ZNF519: variants seen among roughly 807,000 people sequenced by gnomAD.
ZNF519 encodes the protein similar to Zinc finger protein 85 (Zinc finger protein HPF4) (HTF1).
In ZNF519, 7 loss-of-function variants were observed where a neutral mutation model predicts 7.4. That is an observed-to-expected ratio of 0.94 (90% confidence interval 0.54 to 1.77). The LOEUF is 1.77. Ranked by LOEUF, ZNF519 falls within the 40% of genes most tolerant of loss-of-function variation. The pLI, the probability that ZNF519 is intolerant of heterozygous loss-of-function variation, is 0.00. For missense variants in ZNF519, 586 were observed against 623.1 expected, an observed-to-expected ratio of 0.94 and a Z score of 0.63; for synonymous variants, 179 against 203.3, an observed-to-expected ratio of 0.88 and a Z score of 1.02.
chr18:14,099,560 T>C (rs1399282266), downstream of ZNF519, among the ~76,000 whole-genome samples: 1 of 152,226 alleles, frequency 6.6e-6, no homozygotes, highest in Non-Finnish European at 1.5e-5. Context: ...ATAAGTGCTC[T>C]TCCTGTCTAA....
chr18:14,086,776 G>A (rs1370631741), intron 2 of ZNF519, among the ~76,000 whole-genome samples: 2 of 152,122 alleles, frequency 1.3e-5, no homozygotes, highest in African/African-American at 2.4e-5. Context: ...GGCTTAGAGC[G>A]CCCTCTAATG....
chr18:14,097,945 G>A (rs2143109560), downstream of ZNF519, among the ~76,000 whole-genome samples: 1 of 151,958 alleles, frequency 6.6e-6, no homozygotes, highest in South Asian at 2.1e-4. Flanking sequence ...ATGAGTTTGT[G>A]GTCAACATCC....
Position 14,105,150 on chromosome 18 carries a change from C to G in ZNF519, c.1390G>C (p.Glu464Gln), listed in dbSNP as rs764152060. ...HTGEKSFKCE[E>Q]CGKAFIWGSH... ...CCCCAGATAAAAGCTTTGCCACATTCTTCACATTTGAAAGACTTCTCTCCA... is the reference window on the plus strand; with the variant it reads ...CCCCAGATAAAAGCTTTGCCACATTGTTCACATTTGAAAGACTTCTCTCCA... The change falls in exon 3 of 3, where the codon GAA (glutamate) becomes CAA (glutamine). Residue 464 changes from glutamate (E) to glutamine (Q), a missense_variant. Glu to Gln is a conservative substitution (Grantham distance 29). Transcript: ENST00000590202. 2 of 1,613,280 alleles carry G rather than the reference C, an allele frequency of 1.2e-6. No homozygotes were observed. The highest frequency in any genetic ancestry group is 2.2e-5 in the South Asian group (2 of 91,030).
In ZNF519 at chr18:14,104,594, C is replaced by T. The variant is rs780538664; in HGVS notation, c.*323G>A. Reference sequence around the variant, plus strand: ...AATAATACTTTCTCAATCATGAATACTGTGATTACAAAAATAAGTGAACAT... The same window carrying T: ...AATAATACTTTCTCAATCATGAATATTGTGATTACAAAAATAAGTGAACAT... On this transcript the variant is annotated 3_prime_UTR_variant, in exon 3 of 3. Coordinates refer to ENST00000590202, the MANE Select transcript of ZNF519 (RefSeq NM_145287.4). The T allele has an allele frequency of 9.1e-6, 2 of 220,290 alleles. No individual in the cohort carries two copies. Among genetic ancestry groups the T allele is most frequent in the Non-Finnish European group, 1.8e-5 (2 of 113,416 alleles). 13.6% of individuals were successfully genotyped at this position (220,290 alleles called of 1,614,324 possible).
At chr18:14,128,358 T>C (rs2046311798) in intron 1 of ZNF519, among the ~76,000 whole-genome samples, 1 of 151,826 alleles carries the variant, frequency 6.6e-6, no homozygotes, top group Admixed American at 6.5e-5. Context: ...TGTTATATAA[T>C]TAAACTAAAA....
rs1459092802 is a variant in ZNF519 at position 14,104,413 on chromosome 18, G to T, written c.*504C>A. ...TGCCAATGCTCTTAGTCTTCCATGGGAAACTTGTGAATGACGTCATGAGAC... is the reference window on the plus strand; with the variant it reads ...TGCCAATGCTCTTAGTCTTCCATGGTAAACTTGTGAATGACGTCATGAGAC... On this transcript the variant is annotated 3_prime_UTR_variant, in exon 3 of 3. Coordinates refer to ENST00000590202, the MANE Select transcript of ZNF519 (RefSeq NM_145287.4). The T allele has an allele frequency of 1.3e-5, 2 of 153,028 alleles. No homozygotes were observed. Among genetic ancestry groups the T allele is most frequent in the East Asian group, 3.8e-4 (2 of 5,200 alleles). The allele number at this position is 153,028 out of a possible 1,614,324, so 9.5% of individuals were successfully genotyped here.
At chr18:14,130,670 C>A (rs958619050) in intron 1 of ZNF519, among the ~76,000 whole-genome samples, 2 of 151,964 alleles carry the variant, frequency 1.3e-5, no homozygotes, top group Non-Finnish European at 2.9e-5. Context: ...TTTTGCTTTG[C>A]AGGTTCTTGC....
At chr18:14,088,316 T>G (rs1048958222) in intron 2 of ZNF519, among the ~76,000 whole-genome samples, 1 of 152,198 alleles carries the variant, frequency 6.6e-6, no homozygotes, top group Non-Finnish European at 1.5e-5. Context: ...AAAAGCTGCC[T>G]TGACTGCGAA....
intron 2 of ZNF519, among the ~76,000 whole-genome samples, chr18:14,118,309 C>T (rs542649746): frequency 2.6e-5 from 4 of 152,264 alleles, no homozygotes; most frequent in East Asian, 1.9e-4. Flanking sequence ...CCACCTGCCT[C>T]GGCCTACCAA....
In ZNF519 at chr18:14,104,941, T is replaced by C. The variant is rs372625988; in HGVS notation, c.1599A>G (p.Gln533=). 8 of 1,559,832 alleles carry C rather than the reference T, an allele frequency of 5.1e-6. No individual in the cohort carries two copies. The African/African-American group carries it at 6.9e-5, about 13-fold the overall frequency. Residue 533 remains glutamine, a synonymous_variant, in exon 3 of 3, where the codon CAA becomes CAG. Coordinates refer to ENST00000590202, the MANE Select transcript of ZNF519 (RefSeq NM_145287.4). ...TCTACCTGGTATGAATTATTTGATG[T>C]TGAGTAAGGGTTGAGCGTCTGTTAA... is the stretch of plus-strand genomic sequence containing the variant. ...KAFNRRSTLT[Q]HQIIHTR
chr18:14,119,933 C>T (rs752901252), intron 2 of ZNF519, among the ~76,000 whole-genome samples: 1 of 151,688 alleles, frequency 6.6e-6, no homozygotes, highest in Non-Finnish European at 1.5e-5. Flanking sequence ...TAAAGTAGAC[C>T]CAAATAAATA....
chr18:14,105,454 G>T lies in ZNF519; in HGVS notation c.1086C>A (p.Tyr362Ter). Reference protein sequence around the residue: ...ECGKAFNRGSYLTQHQRIHTG... With the variant: ...ECGKAFNRGS ...TATGGATTCTCTGGTGTTGAGTAAG[G>T]TATGACCCCCTGTTAAAGGCTTTGC... is the stretch of plus-strand genomic sequence containing the variant. Residue 362 changes from tyrosine (Y) to a stop codon, truncating the protein, a stop_gained, in exon 3 of 3, where the codon TAC (tyrosine) becomes TAA (stop). Transcript: ENST00000590202. LOFTEE classifies it low-confidence loss of function (END_TRUNC). The T allele has an allele frequency of 6.2e-7, 1 of 1,613,652 alleles. No individual in the cohort carries two copies. Among genetic ancestry groups the T allele is most frequent in the South Asian group, 1.1e-5 (1 of 91,026 alleles).
In ZNF519 at chr18:14,110,562, C is replaced by T. The variant is rs1036921431; in HGVS notation, c.131-4153G>A. 8.6e-5 allele frequency among the ~76,000 whole-genome samples: 13 copies of T among 151,994 alleles called. 1 individual carries two copies. Among genetic ancestry groups the T allele is most frequent in the Admixed American group, 8.5e-4 (13 of 15,258 alleles). ...TATATATTTGTCAAAAGAAGACATACGAACACCGAACAATAATCTAAAAAT... is the reference window on the plus strand; with the variant it reads ...TATATATTTGTCAAAAGAAGACATATGAACACCGAACAATAATCTAAAAAT... On this transcript the variant is annotated intron_variant, in intron 2 of 2. Transcript: ENST00000590202.
chr18:14,111,535 G>A (rs1189033609), intron 2 of ZNF519, among the ~76,000 whole-genome samples: 29 of 144,506 alleles, frequency 2.0e-4, no homozygotes, highest in Admixed American at 2.1e-4. Flanking sequence ...AAAAAAGAAA[G>A]AAAGAAAAGA....
At chr18:14,127,351 AGTCTGGCCCT>A (rs2046305549) in intron 1 of ZNF519, among the ~76,000 whole-genome samples, 1 of 152,096 alleles carries the variant, frequency 6.6e-6, no homozygotes, top group Non-Finnish European at 1.5e-5. Flanking sequence ...TTCAACCCAA[AGTCTGGCCCT>A]GTCTTGTGAA....
chr18:14,078,917 G>A (rs2046059448), intron 3 of ZNF519, among the ~76,000 whole-genome samples: 2 of 152,168 alleles, frequency 1.3e-5, no homozygotes, highest in Non-Finnish European at 2.9e-5. Flanking sequence ...TAAAGATGAA[G>A]AAGCACTATC....
chr18:14,119,958 T>C (rs758522608), intron 2 of ZNF519, among the ~76,000 whole-genome samples: 3 of 151,720 alleles, frequency 2.0e-5, no homozygotes, highest in Non-Finnish European at 2.9e-5. Flanking sequence ...CATATTCCAT[T>C]GGATAATTAA....
intron 1 of ZNF519, among the ~76,000 whole-genome samples, chr18:14,128,829 T>TCTTC (rs2143175501): frequency 6.6e-6 from 1 of 152,274 alleles, no homozygotes; most frequent in South Asian, 2.1e-4. Context: ...GAGCAAAAAT[T>TCTTC]CTTCCCTCAT....
At chr18:14,123,685 C>T (rs1453396979) in intron 2 of ZNF519, among the ~76,000 whole-genome samples, 2 of 152,094 alleles carry the variant, frequency 1.3e-5, no homozygotes, top group East Asian at 1.9e-4. Context: ...CACTGCACTC[C>T]AGCTTGGGTG....
Sources: gnomAD v4.1 joint callset for allele counts (sites outside exome capture counted in the v4.1 genomes callset) on GRCh38, gnomAD v4.1.1 for gene constraint, MANE v1.5 for transcripts, NCBI Gene and HGNC (gene_info 2026-07-23, HGNC 2026-07-21) for gene names.